Variants in FLYWCH1 observed in about 807,000 individuals in gnomAD.
FLYWCH1 encodes the protein FLYWCH-type zinc finger-containing protein 1.
In FLYWCH1, 75 loss-of-function variants were observed where a neutral mutation model predicts 66.4. The ratio of observed to expected loss-of-function variants is 1.13; its 90% CI spans 0.94 to 1.37. FLYWCH1 has a LOEUF of 1.37. Among genes scored for constraint, FLYWCH1 ranks in the 40% most tolerant of loss-of-function variants. The pLI is 0.00. For synonymous variants in FLYWCH1, 595 were observed against 429.9 expected (o/e 1.38, Z -4.75); for missense variants, 1,334 against 1,001.8 (o/e 1.33, Z -4.48).
At position 2,930,862 on chromosome 16, in the gene FLYWCH1, C is replaced by G. The variant is rs2070738828; in HGVS notation, c.778C>G (p.Arg260Gly). Residue 260 changes from arginine to glycine, a missense_variant, in exon 4 of 10, where the codon CGC becomes GGC. Physicochemically the swap from Arg to Gly is moderately radical, Grantham distance 125 (BLOSUM62 -2). Transcript: ENST00000253928. ...ACTGCTGAGCCTGCCGCCCAAGAAG[C>G]GCTCGATCCTGGGGCTGGGTGAGTA... The part of the protein sequence containing the change: ...LSLLSLPPKK[R>G]SILGLGQARP... 7 of 1,598,104 alleles carry G rather than the reference C, an allele frequency of 4.4e-6. No homozygotes were observed. Among genetic ancestry groups the G allele is most frequent in the Non-Finnish European group, 5.9e-6 (7 of 1,176,512 alleles).
At chr16:2,939,464 G>T (rs1354544732) in intron 8 of FLYWCH1, among the ~76,000 whole-genome samples, 1 of 142,704 alleles carries the variant, frequency 7.0e-6, no homozygotes, top group Non-Finnish European at 1.6e-5. Flanking sequence ...CTCAAAAAAA[G>T]AGAAGAAAAG....
At position 2,948,949 on chromosome 16, in the gene FLYWCH1, A is replaced by G; in HGVS notation, c.*222A>G. 1.8e-6 allele frequency: 1 copy of G among 549,216 alleles called. No individual in the cohort carries two copies. The highest frequency in any genetic ancestry group is 2.1e-5 in the South Asian group (1 of 48,656). The allele number at this position is 549,216 out of a possible 1,614,324, so 34.0% of individuals were successfully genotyped here. ...GCTCAGAGCTGGCGCTTGCAGACGCAGCTGTCGTGGGGCAGGGCGGTGGCG... is the reference window on the plus strand; with the variant it reads ...GCTCAGAGCTGGCGCTTGCAGACGCGGCTGTCGTGGGGCAGGGCGGTGGCG... On this transcript the variant is annotated 3_prime_UTR_variant, in exon 10 of 10. Transcript: ENST00000253928.
intron 4 of FLYWCH1, among the ~76,000 whole-genome samples, chr16:2,932,270 CAAAAAAAAAAAAAAA>C (rs71158125): frequency 5.4e-5 from 3 of 55,304 alleles, no homozygotes; most frequent in African/African-American, 2.3e-4. Context: ...GACCCTGTCT[CAAAAAAAAAAAAAAA>C]AAAAAAAAAA....
chr16:2,936,459 G>A lies in FLYWCH1; in HGVS notation c.1514-662G>A, dbSNP rs188647353. ...ACAGCCAGACACCCTCCCGCCCCCC[G>A]CTGGCCTCTCCTCTAGGGCTTGCTA... On this transcript the variant is annotated intron_variant, in intron 6 of 9. Transcript: ENST00000253928. The A allele has an allele frequency of 3.4e-4, 88 of 262,498 alleles. 1 individual carries two copies. In the East Asian group the frequency reaches 8.0e-3, roughly 24 times the overall value. 16.3% of individuals were successfully genotyped at this position (262,498 alleles called of 1,614,324 possible). A position where few individuals can be genotyped will look rare whatever the true frequency, so the allele number is the denominator to read the frequency against.
At chr16:2,926,306 C>T (rs761723529) in intron 2 of FLYWCH1, among the ~76,000 whole-genome samples, 3 of 152,178 alleles carry the variant, frequency 2.0e-5, no homozygotes, top group Non-Finnish European at 4.4e-5. Flanking sequence ...AAGGTAAAAT[C>T]ATCCCACTTA....
At position 2,940,082 on chromosome 16, in the gene FLYWCH1, C is replaced by G. The variant is rs769149171; in HGVS notation, c.2101C>G (p.Gln701Glu). The G allele has an allele frequency of 4.4e-6, 6 of 1,357,214 alleles. No individual in the cohort carries two copies. The highest frequency in any genetic ancestry group is 1.2e-5 in the South Asian group (1 of 85,276). 84.1% of individuals were successfully genotyped at this position (1,357,214 alleles called of 1,614,324 possible). A position where few individuals can be genotyped will look rare whatever the true frequency, so the allele number is the denominator to read the frequency against. ...CAAGACGTGTTCTCCTGAAAGCCAG[C>G]AGATTTATGGGTAATTGTATTTGTT... ...CFKTCSPESQ[Q>E]IYGDIKDVRL... The change falls in exon 9 of 10, where the codon CAG becomes GAG. Residue 701 changes from glutamine (Q) to glutamate (E), a missense_variant. By Grantham distance (29) the Gln-to-Glu change is conservative (BLOSUM62 2). Coordinates refer to ENST00000253928, the MANE Select transcript of FLYWCH1 (RefSeq NM_001308068.2).
rs12929501 is a variant in FLYWCH1, at chr16:2,938,468, C to G, written c.2050+12C>G. On this transcript the variant is annotated intron_variant, in intron 8 of 9. Coordinates refer to ENST00000253928, the MANE Select transcript of FLYWCH1 (RefSeq NM_001308068.2). ...GCAGGAGGACCCAGGTACAGGCAGG[C>G]TGTGGGGCAGAGGCAGGGCTGTGGG... 0.28 allele frequency: 427,576 copies of G among 1,513,322 alleles called. 62,212 individuals carry two copies. Among genetic ancestry groups the G allele is most frequent in the Admixed American group, 0.35 (15,482 of 44,730 alleles). 93.7% of individuals were successfully genotyped at this position (1,513,322 alleles called of 1,614,324 possible).
chr16:2,914,829 C>G (rs1222845033), intron 2 of FLYWCH1, among the ~76,000 whole-genome samples: 2 of 147,004 alleles, frequency 1.4e-5, no homozygotes, highest in Non-Finnish European at 3.0e-5. Context: ...GAACCTGGTT[C>G]AAGGATTCAG....
At position 2,938,453 on chromosome 16, in the gene FLYWCH1, C is replaced by G; in HGVS notation, c.2047C>G (p.Pro683Ala). ...CCCCACCACGGCCCAGCAGGAGGACCCAGGTACAGGCAGGCTGTGGGGCAG... is the reference window on the plus strand; with the variant it reads ...CCCCACCACGGCCCAGCAGGAGGACGCAGGTACAGGCAGGCTGTGGGGCAG... ...RLPTTAQQEDPEKIQVQLCFK... is the reference protein window; with the variant it reads ...RLPTTAQQEDAEKIQVQLCFK... The change falls in exon 8 of 10, where the codon CCA (proline) becomes GCA (alanine). Residue 683 changes from proline to alanine, a missense_variant. Coordinates refer to ENST00000253928, the MANE Select transcript of FLYWCH1 (RefSeq NM_001308068.2). The G allele has an allele frequency of 6.6e-7, 1 of 1,522,192 alleles. No individual in the cohort carries two copies. The highest frequency in any genetic ancestry group is 8.8e-7 in the Non-Finnish European group (1 of 1,136,568). The allele number at this position is 1,522,192 out of a possible 1,614,324, so 94.3% of individuals were successfully genotyped here.
chr16:2,950,346 C>T lies in FLYWCH1; in HGVS notation c.*1619C>T, dbSNP rs1476602074. 6.6e-6 allele frequency: 1 copy of T among 152,412 alleles called. No individual in the cohort carries two copies. Among genetic ancestry groups the T allele is most frequent in the Non-Finnish European group, 1.5e-5 (1 of 68,184 alleles). 9.4% of individuals were successfully genotyped at this position (152,412 alleles called of 1,614,324 possible). On this transcript the variant is annotated 3_prime_UTR_variant, in exon 10 of 10. Coordinates refer to ENST00000253928, the MANE Select transcript of FLYWCH1 (RefSeq NM_001308068.2). ...GACCCAGTACTCCAATCCCGACTCCCACTGTGTGGTCCAAATGTGTACGCC... is the reference window on the plus strand; with the variant it reads ...GACCCAGTACTCCAATCCCGACTCCTACTGTGTGGTCCAAATGTGTACGCC...
intron 2 of FLYWCH1, among the ~76,000 whole-genome samples, chr16:2,925,858 C>A (rs1358963692): frequency 6.6e-6 from 1 of 152,144 alleles, no homozygotes; most frequent in Non-Finnish European, 1.5e-5. Flanking sequence ...GCCGACCAGG[C>A]CTTCGGGAGT....
chr16:2,929,944 G>T lies in FLYWCH1; in HGVS notation c.259G>T (p.Glu87Ter), dbSNP rs200664932. The change falls in exon 3 of 10, where the codon GAG (glutamate) becomes TAG (stop). Residue 87 changes from glutamate (E) to a stop codon, truncating the protein, a stop_gained. Transcript: ENST00000253928. LOFTEE classifies it high-confidence loss of function. Reference sequence around the variant, plus strand: ...CACCTTGCAGATCCTGCCAGTTGAGGAGCAGGGAGGGGTGGTCCAGCCAGC... The same window carrying T: ...CACCTTGCAGATCCTGCCAGTTGAGTAGCAGGGAGGGGTGGTCCAGCCAGC... ...ASTLQILPVE[E>*]QGGVVQPALE... 661 of 1,613,334 alleles carry T rather than the reference G, an allele frequency of 4.1e-4. 2 individuals are homozygous for T. The highest frequency in any genetic ancestry group is 1.2e-4 in the Admixed American group (7 of 60,000).
At chr16:2,918,693 G>A (rs1036574624) in intron 2 of FLYWCH1, among the ~76,000 whole-genome samples, 8 of 151,984 alleles carry the variant, frequency 5.3e-5, no homozygotes, top group African/African-American at 1.7e-4. Context: ...CGCCTGCCTC[G>A]GCCTCCCAAA....
At chr16:2,922,609 T>G in intron 2 of FLYWCH1, 1 of 346,294 alleles carries the variant, frequency 2.9e-6, no homozygotes, top group Non-Finnish European at 5.6e-6. Flanking sequence ...CAGATTTTTT[T>G]ATGGTGAAAA....
At position 2,937,215 on chromosome 16, in the gene FLYWCH1, G is replaced by C; in HGVS notation, c.1608G>C (p.Val536=). The change falls in exon 7 of 10, where the codon GTG becomes GTC. Residue 536 remains valine, a synonymous_variant. Transcript: ENST00000253928. Reference sequence around the variant, plus strand: ...GGGAGAAGGCGGCCGGGGAGAAGGTGTATTGGACCTGCCGGGACCAGGCCC... The same window carrying C: ...GGGAGAAGGCGGCCGGGGAGAAGGTCTATTGGACCTGCCGGGACCAGGCCC... The part of the protein sequence containing the change: ...YRREKAAGEK[V]YWTCRDQARM... 6.2e-7 allele frequency: 1 copy of C among 1,603,042 alleles called. No individual in the cohort carries two copies. The highest frequency in any genetic ancestry group is 8.5e-7 in the Non-Finnish European group (1 of 1,176,332).
chr16:2,923,932 G>A (rs1314931695), intron 2 of FLYWCH1, among the ~76,000 whole-genome samples: 1 of 152,088 alleles, frequency 6.6e-6, no homozygotes, highest in Non-Finnish European at 1.5e-5. Flanking sequence ...GCAGCTACTT[G>A]GGAGTCTGAG....
intron 9 of FLYWCH1, among the ~76,000 whole-genome samples, chr16:2,941,084 C>G (rs761720707): frequency 2.4e-4 from 36 of 151,788 alleles, no homozygotes; most frequent in Non-Finnish European, 4.6e-4. Flanking sequence ...AGGTGACAAA[C>G]AAAAACCAAA....
chr16:2,919,600 G>T lies in FLYWCH1; in HGVS notation c.-74+5311G>T, dbSNP rs993174524. Among the ~76,000 whole-genome samples the T allele has an allele frequency of 5.3e-5, 8 of 152,078 alleles. No individual in the cohort carries two copies. In the South Asian group the frequency reaches 1.7e-3, roughly 31 times the overall value. ...TCTTGAGATGGGGTCATGTGATGTT[G>T]CCCAGATTGGCTTCAAACTCCTGGG... On this transcript the variant is annotated intron_variant, in intron 2 of 9. Transcript: ENST00000253928.
chr16:2,948,749 C>G lies in FLYWCH1; in HGVS notation c.*22C>G, dbSNP rs777932063. Reference sequence around the variant, plus strand: ...GTGAGGCGATGTGGGCAGAGGAGCTCCGAGCCGCCCACCCAAGGTGGCTTC... The same window carrying G: ...GTGAGGCGATGTGGGCAGAGGAGCTGCGAGCCGCCCACCCAAGGTGGCTTC... On this transcript the variant is annotated 3_prime_UTR_variant, in exon 10 of 10. Coordinates refer to ENST00000253928, the MANE Select transcript of FLYWCH1 (RefSeq NM_001308068.2). 6.2e-7 allele frequency: 1 copy of G among 1,613,476 alleles called. No individual in the cohort carries two copies. The highest frequency in any genetic ancestry group is 8.5e-7 in the Non-Finnish European group (1 of 1,179,508).
Sources: allele counts gnomAD v4.1 joint callset (sites outside exome capture counted in the v4.1 genomes callset), GRCh38; gene constraint gnomAD v4.1.1; transcripts MANE v1.5; gene names NCBI Gene and HGNC (gene_info 2026-07-23, HGNC 2026-07-21).